Variants in PARD3B observed in about 807,000 individuals in gnomAD.
PARD3B encodes par-3 family cell polarity regulator beta.
A neutral mutation model predicts 130.2 loss-of-function variants in PARD3B; 103 were observed. The observed-to-expected ratio is 0.79, with a 90% confidence interval of 0.67 to 0.93. The LOEUF is 0.93. Ranked by LOEUF, PARD3B falls within the 40% of genes least tolerant of loss-of-function variation. The pLI, the probability that PARD3B is intolerant of heterozygous loss-of-function variation, is 0.00. For missense variants in PARD3B, 1,609 were observed against 1,499.2 expected (o/e 1.07, Z -1.21); for synonymous variants, 583 against 553.2 (o/e 1.05, Z -0.76).
intron 22 of PARD3B, among the ~76,000 whole-genome samples, chr2:205,560,017 G>A (rs906798490): frequency 6.6e-6 from 1 of 152,168 alleles, no homozygotes. Context: ...GCAGCAACCT[G>A]ATAATTATCC....
At chr2:204,801,322 A>G (rs1188788716) in intron 2 of PARD3B, among the ~76,000 whole-genome samples, 5 of 152,102 alleles carry the variant, frequency 3.3e-5, no homozygotes, top group African/African-American at 1.2e-4. Flanking sequence ...CCATTTTCAC[A>G]GTATTGGTTC....
At chr2:205,401,151 T>G in intron 19 of PARD3B, 28 bp downstream of exon 19, 1 of 1,505,954 alleles carries the variant, frequency 6.6e-7, no homozygotes, top group Non-Finnish European at 9.1e-7. Context: ...GACCTTCATT[T>G]TCTTTGACTC....
At chr2:205,519,636 G>A (rs1313055377) in intron 21 of PARD3B, among the ~76,000 whole-genome samples, 1 of 152,148 alleles carries the variant, frequency 6.6e-6, no homozygotes, top group African/African-American at 2.4e-5. Flanking sequence ...GAGGTTGTTT[G>A]GAGGACATAT....
At chr2:205,275,837 CAAAAAAAAAAAAAA>C (rs59238795) in intron 16 of PARD3B, among the ~76,000 whole-genome samples, 2 of 60,652 alleles carry the variant, frequency 3.3e-5, no homozygotes, top group African/African-American at 6.2e-5. Flanking sequence ...AACTTTGTCT[CAAAAAAAAAAAAAA>C]AAAAAAAAAA....
At chr2:205,293,535 G>T (rs1464100048) in intron 16 of PARD3B, 1 of 152,172 alleles carries the variant, frequency 6.6e-6, no homozygotes, top group Non-Finnish European at 1.5e-5. Flanking sequence ...CACACATGAG[G>T]TGGAAATGGC....
At chr2:205,143,095 A>G (rs968521509) in intron 10 of PARD3B, among the ~76,000 whole-genome samples, 2 of 152,140 alleles carry the variant, frequency 1.3e-5, no homozygotes, top group Admixed American at 1.3e-4. Context: ...TTGTGCAAAG[A>G]ATTCTTAATT....
chr2:204,953,410 TAC>T (rs748325733), intron 2 of PARD3B, among the ~76,000 whole-genome samples: 131 of 115,800 alleles, frequency 1.1e-3, no homozygotes, highest in Middle Eastern at 4.5e-3. Flanking sequence ...TATGTTAACA[TAC>T]ACACACACAG....
chr2:204,759,910 A>T (rs551290656), intron 2 of PARD3B, among the ~76,000 whole-genome samples: 1 of 152,172 alleles, frequency 6.6e-6, no homozygotes, highest in South Asian at 2.1e-4. Context: ...CCTCTTATAG[A>T]CATTAGCAGA....
At chr2:204,684,786 A>G (rs1381235049) in intron 1 of PARD3B, among the ~76,000 whole-genome samples, 1 of 152,196 alleles carries the variant, frequency 6.6e-6, no homozygotes, top group Non-Finnish European at 1.5e-5. Context: ...AAAGTTTCCT[A>G]GTAAATCATT....
At chr2:204,736,888 C>G (rs2039780082) in intron 2 of PARD3B, among the ~76,000 whole-genome samples, 1 of 152,180 alleles carries the variant, frequency 6.6e-6, no homozygotes, top group Admixed American at 6.5e-5. Context: ...AATTTACATT[C>G]CCACCAGCAG....
intron 19 of PARD3B, 21 bp downstream of exon 19, chr2:205,401,144 C>G: frequency 6.5e-7 from 1 of 1,531,506 alleles, no homozygotes; most frequent in Non-Finnish European, 8.9e-7. Flanking sequence ...GTGCCGAGAC[C>G]TTCATTTTCT....
intron 11 of PARD3B, among the ~76,000 whole-genome samples, chr2:205,169,449 CTG>C (rs2035021083): frequency 6.6e-6 from 1 of 152,196 alleles, no homozygotes; most frequent in African/African-American, 2.4e-5. Flanking sequence ...TGCTTAGTAA[CTG>C]TTGATAGATT....
intron 1 of PARD3B, among the ~76,000 whole-genome samples, chr2:204,676,760 C>T (rs1408115383): frequency 1.3e-5 from 2 of 149,780 alleles, no homozygotes; most frequent in East Asian, 4.0e-4. Flanking sequence ...ACCTCCACCT[C>T]CTGGATTCAA....
chr2:204,676,967 C>T (rs1033412003), intron 1 of PARD3B, among the ~76,000 whole-genome samples: 3 of 152,174 alleles, frequency 2.0e-5, no homozygotes, highest in African/African-American at 7.2e-5. Context: ...CGCACCCGGC[C>T]AAGATTGTTC....
chr2:204,940,625 T>C (rs574290023), intron 2 of PARD3B, among the ~76,000 whole-genome samples: 2 of 152,344 alleles, frequency 1.3e-5, no homozygotes, highest in South Asian at 4.1e-4. Flanking sequence ...TAGCAGGTAC[T>C]GCTTGGGAGT....
intron 18 of PARD3B, among the ~76,000 whole-genome samples, chr2:205,306,957 T>C (rs1239300480): frequency 1.3e-5 from 2 of 152,202 alleles, no homozygotes; most frequent in Non-Finnish European, 2.9e-5. Context: ...GTGTTTTAAG[T>C]ATGTATTATT....
chr2:205,396,614 G>A (rs1009751331), intron 18 of PARD3B, among the ~76,000 whole-genome samples: 46 of 152,112 alleles, frequency 3.0e-4, no homozygotes, highest in African/African-American at 1.1e-3. Context: ...CTTTAAACAG[G>A]CTTCCCAGGT....
rs374140439 is a variant in PARD3B at position 205,525,753 on chromosome 2, A to G, written c.3180+25722A>G. Among the ~76,000 whole-genome samples the G allele has an allele frequency of 3.9e-5, 6 of 152,160 alleles. No homozygotes were observed. Among genetic ancestry groups the G allele is most frequent in the African/African-American group, 1.4e-4 (6 of 41,434 alleles). On this transcript the variant is annotated intron_variant, in intron 21 of 22. Coordinates refer to ENST00000406610, the MANE Select transcript of PARD3B (RefSeq NM_001302769.2). This position sits in a 1 kb window ranked among gnomAD's most constrained non-coding sequence, Gnocchi z 4.2. ...AATACTCACCCTTCATTTTGGTGAC[A>G]AGTCCAGCTCAATGAGAATCTCGAC...
chr2:204,921,269 G>T (rs2047666812), intron 2 of PARD3B, among the ~76,000 whole-genome samples: 1 of 152,154 alleles, frequency 6.6e-6, no homozygotes, highest in Admixed American at 6.5e-5. Flanking sequence ...GTTATAGGTG[G>T]TTATTTTTAA....
Sources: gnomAD v4.1 joint callset for allele counts (sites outside exome capture counted in the v4.1 genomes callset) on GRCh38, gnomAD v4.1.1 for gene constraint, Gnocchi (gnomAD v3.1) non-coding constraint, MANE v1.5 for transcripts, NCBI Gene and HGNC (gene_info 2026-07-23, HGNC 2026-07-21) for gene names.